NRG1: variants seen among roughly 807,000 people sequenced by gnomAD.
The protein encoded by NRG1 is pro-neuregulin-1, membrane-bound isoform.
NRG1 carries 18 observed loss-of-function variants against 63.8 expected under a neutral mutation model. The observed-to-expected ratio is 0.28, with a 90% confidence interval of 0.19 to 0.42. NRG1 has a LOEUF of 0.42. Among genes scored for constraint, NRG1 ranks in the 10% least tolerant of loss-of-function variants. NRG1 has a pLI of 1.00. For synonymous variants in NRG1, 302 were observed against 301.3 expected (o/e 1.00, Z -0.02); for missense variants, 762 against 814.7 (o/e 0.94, Z 0.79).
At chr8:32,763,262 C>T (rs1427447954) in intron 11 of NRG1, 1 of 1,613,962 alleles carries the variant, frequency 6.2e-7, no homozygotes, top group South Asian at 1.1e-5. Flanking sequence ...GCACACAGAT[C>T]CAAATGCATG....
chr8:32,445,429 A>G (rs1349480131), intron 1 of NRG1, among the ~76,000 whole-genome samples: 1 of 152,150 alleles, frequency 6.6e-6, no homozygotes, highest in African/African-American at 2.4e-5. Context: ...ATCTGTCCAC[A>G]AGTGAATTTC....
At chr8:32,132,208 C>G (rs1184039486) in intron 1 of NRG1, among the ~76,000 whole-genome samples, 1 of 151,978 alleles carries the variant, frequency 6.6e-6, no homozygotes, top group Admixed American at 6.6e-5. Flanking sequence ...TGTGTTGTCT[C>G]CAAGCTAACC....
intron 1 of NRG1, among the ~76,000 whole-genome samples, chr8:32,508,403 G>T (rs1434603545): frequency 2.6e-5 from 4 of 151,376 alleles, no homozygotes; most frequent in Admixed American, 2.6e-4. Context: ...CAATTCTCCT[G>T]CCTCAGCCTC....
chr8:32,563,337 A>T (rs369866091), intron 1 of NRG1, among the ~76,000 whole-genome samples: 1 of 152,228 alleles, frequency 6.6e-6, no homozygotes, highest in East Asian at 1.9e-4. Flanking sequence ...TTTATGTAGG[A>T]AACAGCTTAT....
chr8:32,288,186 A>T (rs1200574664), intron 1 of NRG1, among the ~76,000 whole-genome samples: 1 of 152,200 alleles, frequency 6.6e-6, no homozygotes. Flanking sequence ...ACAGAGATAG[A>T]TAATCACAAA....
intron 1 of NRG1, among the ~76,000 whole-genome samples, chr8:32,078,034 A>G (rs1423148842): frequency 6.6e-6 from 1 of 152,214 alleles, no homozygotes; most frequent in Non-Finnish European, 1.5e-5. Flanking sequence ...TGGTAGTGTT[A>G]TTCTTGTCCT....
chr8:32,576,988 G>A (rs930918607), intron 1 of NRG1, among the ~76,000 whole-genome samples: 4 of 151,990 alleles, frequency 2.6e-5, no homozygotes, highest in Admixed American at 2.0e-4. Flanking sequence ...CCCTGCTCTA[G>A]TAGTCCCCAG....
At chr8:32,470,785 C>T (rs1325541689) in intron 1 of NRG1, among the ~76,000 whole-genome samples, 6 of 151,940 alleles carry the variant, frequency 3.9e-5, no homozygotes, top group Non-Finnish European at 8.8e-5. Context: ...CCACCGTCTC[C>T]CTACCCTCGT....
chr8:32,175,281 A>G (rs1181867280), intron 1 of NRG1, among the ~76,000 whole-genome samples: 1 of 151,160 alleles, frequency 6.6e-6, no homozygotes, highest in Admixed American at 6.6e-5. Flanking sequence ...AAATTCAACA[A>G]CTCTTCATGC....
chr8:32,009,065 C>A (rs548249520), intron 1 of NRG1, among the ~76,000 whole-genome samples: 1 of 152,170 alleles, frequency 6.6e-6, no homozygotes, highest in South Asian at 2.1e-4. Flanking sequence ...TGACCTTAGT[C>A]ACACTGGTTA....
chr8:32,374,872 G>T (rs1171784115), intron 1 of NRG1, among the ~76,000 whole-genome samples: 1 of 152,146 alleles, frequency 6.6e-6, no homozygotes, highest in Non-Finnish European at 1.5e-5. Context: ...GTGGAGGAGG[G>T]TTGTAACCAC....
At chr8:31,925,223 A>G (rs950129258) in intron 1 of NRG1, among the ~76,000 whole-genome samples, 19 of 27,350 alleles carry the variant, frequency 6.9e-4, no homozygotes, top group African/African-American at 3.4e-3. Context: ...CAAAATCTCA[A>G]ACTTTGGTTG....
chr8:32,039,714 G>C (rs1819628481), intron 1 of NRG1, among the ~76,000 whole-genome samples: 1 of 152,120 alleles, frequency 6.6e-6, no homozygotes, highest in African/African-American at 2.4e-5. Flanking sequence ...TCCTCATCAA[G>C]GGTAGAAAGT....
intron 6 of NRG1, among the ~76,000 whole-genome samples, chr8:32,734,936 TTGCCTGA>T (rs1286717095): frequency 6.6e-6 from 1 of 152,096 alleles, no homozygotes; most frequent in Non-Finnish European, 1.5e-5. Flanking sequence ...ATACTGGTCT[TTGCCTGA>T]TGGAGTCTGT....
chr8:32,270,951 C>T (rs1210194104), intron 1 of NRG1, among the ~76,000 whole-genome samples: 1 of 152,050 alleles, frequency 6.6e-6, no homozygotes, highest in Non-Finnish European at 1.5e-5. Flanking sequence ...TTTCTTTCTG[C>T]CTCTCTTCTG....
intron 1 of NRG1, among the ~76,000 whole-genome samples, chr8:31,745,692 G>T (rs1359123939): frequency 6.6e-6 from 1 of 151,850 alleles, no homozygotes; most frequent in African/African-American, 2.4e-5. Flanking sequence ...TGTATACATT[G>T]AGACTCTGTG....
chr8:32,586,632 C>T (rs1036087832), intron 1 of NRG1, among the ~76,000 whole-genome samples: 1 of 152,088 alleles, frequency 6.6e-6, no homozygotes, highest in African/African-American at 2.4e-5. Flanking sequence ...TGTAGAAAAA[C>T]TAGGTATGGT....
chr8:32,268,615 T>G (rs1209209406), intron 1 of NRG1, among the ~76,000 whole-genome samples: 2 of 151,870 alleles, frequency 1.3e-5, no homozygotes, highest in South Asian at 2.1e-4. Flanking sequence ...GGATGTGTAT[T>G]TAAGCTTAAT....
intron 1 of NRG1, among the ~76,000 whole-genome samples, chr8:31,772,188 T>G (rs1287725362): frequency 6.6e-6 from 1 of 152,180 alleles, no homozygotes; most frequent in Non-Finnish European, 1.5e-5. Flanking sequence ...TCATGATCTA[T>G]CTCCCTTTTC....
Sources: allele counts gnomAD v4.1 joint callset (sites outside exome capture counted in the v4.1 genomes callset), GRCh38; gene constraint gnomAD v4.1.1; transcripts MANE v1.5; gene names NCBI Gene and HGNC (gene_info 2026-07-23, HGNC 2026-07-21).